The following AATF variants were observed in gnomAD, a reference collection of about 807,000 sequenced individuals.
AATF encodes the protein apoptosis antagonizing transcription factor.
A neutral mutation model predicts 63.7 loss-of-function variants in AATF; 48 were observed. The observed-to-expected ratio is 0.75, with a 90% CI of 0.60 to 0.96. The LOEUF is 0.96. Ranked by LOEUF, AATF falls within the 40% of genes least tolerant of loss-of-function variation. AATF has a pLI of 0.00. For synonymous variants in AATF, 258 were observed against 247.7 expected (o/e 1.04, Z -0.39); for missense variants, 639 against 685.7 (o/e 0.93, Z 0.76).
At chr17:36,972,028 C>T (rs1184508253) in intron 4 of AATF, among the ~76,000 whole-genome samples, 1 of 152,162 alleles carries the variant, frequency 6.6e-6, no homozygotes, top group Non-Finnish European at 1.5e-5. Context: ...TTGAACCCTT[C>T]AGCCTGGCTT....
intron 8 of AATF, among the ~76,000 whole-genome samples, chr17:37,002,493 C>G (rs1447255414): frequency 1.3e-5 from 2 of 150,792 alleles, no homozygotes; most frequent in Non-Finnish European, 3.0e-5. Flanking sequence ...CGGTGAAACC[C>G]TGTCTCTACT....
intron 4 of AATF, among the ~76,000 whole-genome samples, chr17:36,978,071 TCCACAGAA>T (rs1353869720): frequency 2.6e-5 from 4 of 152,188 alleles, no homozygotes; most frequent in African/African-American, 9.7e-5. Flanking sequence ...GGGATGTCCC[TCCACAGAA>T]CTCAAATGCA....
In AATF at chr17:37,019,080, A is replaced by G; in HGVS notation, c.1466+8A>G. The G allele has an allele frequency of 3.7e-6, 6 of 1,613,310 alleles. No individual in the cohort carries two copies. Among genetic ancestry groups the G allele is most frequent in the Non-Finnish European group, 5.1e-6 (6 of 1,179,256 alleles). On this transcript the variant is annotated splice_region_variant and intron_variant, in intron 9 of 11. Coordinates refer to ENST00000619387, the MANE Select transcript of AATF (RefSeq NM_012138.4). The stretch of plus-strand genomic sequence containing the variant: ...TCAGGTGGCCATGGGAAGGTAATTT[A>G]GATACAGCTTTCTGTTCATGCAAGC...
At chr17:36,964,764 C>T (rs1003615415) in intron 4 of AATF, among the ~76,000 whole-genome samples, 4 of 151,680 alleles carry the variant, frequency 2.6e-5, no homozygotes, top group Admixed American at 2.6e-4. Context: ...CCCCTCCCCC[C>T]CACTGTAGCT....
chr17:37,047,929 A>C (rs570744167), intron 11 of AATF, among the ~76,000 whole-genome samples: 1 of 152,226 alleles, frequency 6.6e-6, no homozygotes, highest in Non-Finnish European at 1.5e-5. Context: ...CCTTGTATCT[A>C]GATTTAGGTA....
chr17:37,017,914 T>C (rs1401446525), intron 8 of AATF, among the ~76,000 whole-genome samples: 1 of 152,232 alleles, frequency 6.6e-6, no homozygotes, highest in East Asian at 1.9e-4. Flanking sequence ...GCCCACAGGC[T>C]TCAGCTATTT....
chr17:36,960,052 C>T (rs1486415989), intron 4 of AATF, among the ~76,000 whole-genome samples: 3 of 151,648 alleles, frequency 2.0e-5, no homozygotes, highest in Non-Finnish European at 4.4e-5. Flanking sequence ...CTTGCTCTGT[C>T]GCCGAGGCTG....
chr17:36,952,749 T>G, intron 2 of AATF, 137 bp from the exon 3 acceptor site: 6 of 1,434,092 alleles, frequency 4.2e-6, no homozygotes, highest in Non-Finnish European at 5.5e-6. Flanking sequence ...AGATGTGTAA[T>G]AAATATATTG....
intron 2 of AATF, 60 bp downstream of exon 2, chr17:36,950,465 C>T: frequency 2.0e-6 from 3 of 1,490,666 alleles, no homozygotes; most frequent in Non-Finnish European, 2.8e-6. Flanking sequence ...GGTTAAAATC[C>T]TCCGGTCATC....
chr17:37,012,845 T>C (rs1339996498), intron 8 of AATF, among the ~76,000 whole-genome samples: 1 of 152,124 alleles, frequency 6.6e-6, no homozygotes, highest in Non-Finnish European at 1.5e-5. Flanking sequence ...AAAAATTAAC[T>C]CAAAATGGAT....
At chr17:36,951,872 C>CT (rs1396252515) in intron 2 of AATF, among the ~76,000 whole-genome samples, 2 of 152,158 alleles carry the variant, frequency 1.3e-5, no homozygotes, top group African/African-American at 4.8e-5. Context: ...TTCCTAAAAT[C>CT]TTTATTTTAT....
intron 11 of AATF, among the ~76,000 whole-genome samples, chr17:37,040,717 G>GC (rs1463323932): frequency 3.3e-5 from 4 of 122,738 alleles, no homozygotes; most frequent in African/African-American, 1.4e-4. Context: ...AACTTATTTG[G>GC]GGGGGGGAAC....
intron 4 of AATF, among the ~76,000 whole-genome samples, chr17:36,982,808 TG>T (rs1286179752): frequency 2.6e-5 from 4 of 152,224 alleles, no homozygotes; most frequent in Non-Finnish European, 5.9e-5. Flanking sequence ...AACCTTTTCA[TG>T]ATCCCAAACT....
intron 4 of AATF, among the ~76,000 whole-genome samples, chr17:36,956,449 G>A (rs2070900604): frequency 6.6e-6 from 1 of 152,194 alleles, no homozygotes; most frequent in South Asian, 2.1e-4. Flanking sequence ...GAGGTGGGCT[G>A]ATCACCTGAG....
At position 37,020,946 on chromosome 17, in the gene AATF, A is replaced by G. The variant is rs115563200; in HGVS notation, c.1479A>G (p.Ala493=). 3.5e-5 allele frequency: 56 copies of G among 1,611,532 alleles called. No homozygotes were observed. In the African/African-American group the frequency reaches 6.8e-4, roughly 20 times the overall value. Residue 493 remains alanine (A), a synonymous_variant, in exon 10 of 12, where the codon GCA becomes GCG. Coordinates refer to ENST00000619387, the MANE Select transcript of AATF (RefSeq NM_012138.4). The part of the protein sequence containing the change: ...DQVAMGRQWL[A]IQKLRSKIHK... ...GTGAATTTTCCAGGCAGTGGCTTGC[A>G]ATCCAGAAGTTACGAAGCAAAATCC...
intron 11 of AATF, among the ~76,000 whole-genome samples, chr17:37,053,913 CATT>C: frequency 6.6e-6 from 1 of 152,214 alleles, no homozygotes; most frequent in East Asian, 1.9e-4. Context: ...AGTATCAAAT[CATT>C]ATGGCATGTA....
intron 10 of AATF, among the ~76,000 whole-genome samples, chr17:37,025,847 G>A (rs1392844014): frequency 1.3e-5 from 2 of 152,146 alleles, no homozygotes; most frequent in Non-Finnish European, 2.9e-5. Context: ...CACAATAGAT[G>A]CTAAAATCAA....
rs181159612 is a variant in AATF, at chr17:36,953,623, A to G, written c.695-147A>G. ...ATGGATACTGAATTTATTTTCTCTA[A>G]TAGAGAATATTTGTTTCCATGGCAT... On this transcript the variant is annotated intron_variant, in intron 3 of 11. Transcript: ENST00000619387. 223 of 796,516 alleles carry G rather than the reference A, an allele frequency of 2.8e-4. No individual in the cohort carries two copies. The African/African-American group carries it at 3.6e-3, about 13-fold the overall frequency. 49.3% of individuals were successfully genotyped at this position (796,516 alleles called of 1,614,324 possible). A position where few individuals can be genotyped will look rare whatever the true frequency, so the allele number is the denominator to read the frequency against.
chr17:37,013,770 T>G (rs1182355500), intron 8 of AATF, among the ~76,000 whole-genome samples: 1 of 152,224 alleles, frequency 6.6e-6, no homozygotes, highest in Non-Finnish European at 1.5e-5. Context: ...TGATTACATT[T>G]TTCTTACAAA....
Sources: allele counts gnomAD v4.1 joint callset (sites outside exome capture counted in the v4.1 genomes callset), GRCh38; gene constraint gnomAD v4.1.1; transcripts MANE v1.5; gene names NCBI Gene and HGNC (gene_info 2026-07-23, HGNC 2026-07-21).